SDHAF3: variants seen among roughly 807,000 people sequenced by gnomAD.
The protein encoded by SDHAF3 is succinate dehydrogenase assembly factor 3, mitochondrial.
Under a neutral mutation model 11.5 loss-of-function variants are expected in SDHAF3, and 18 were observed. The observed-to-expected ratio is 1.56, with a 90% CI of 1.08 to 2.32. The LOEUF (loss-of-function observed/expected upper bound fraction) is 2.32, where lower values mean the gene tolerates loss of function less well. Ranked by LOEUF, SDHAF3 falls within the 30% of genes most tolerant of loss-of-function variation. The probability of loss-of-function intolerance (pLI) is 0.00; values close to 1 mark genes in which losing one functional copy is unlikely to be tolerated. For missense variants in SDHAF3, 200 were observed against 154.4 expected (o/e 1.30, Z -1.57); for synonymous variants, 72 against 59.3 (o/e 1.21, Z -0.99).
At chr7:97,177,220 CGGCCAGGCACA>C (rs1789691512) in intron 1 of SDHAF3, among the ~76,000 whole-genome samples, 1 of 151,686 alleles carries the variant, frequency 6.6e-6, no homozygotes, top group African/African-American at 2.4e-5. Flanking sequence ...ATAAGATATC[CGGCCAGGCACA>C]GTAGCTCAGG....
chr7:97,122,129 T>C (rs1033630548), intron 1 of SDHAF3, among the ~76,000 whole-genome samples: 1 of 152,200 alleles, frequency 6.6e-6, no homozygotes, highest in African/African-American at 2.4e-5. Context: ...ATGCTGGGAT[T>C]ACAGGCGTGA....
chr7:97,146,819 C>T (rs1195932956), intron 1 of SDHAF3, among the ~76,000 whole-genome samples: 5 of 147,478 alleles, frequency 3.4e-5, no homozygotes, highest in South Asian at 2.2e-4. Flanking sequence ...TGGAGTCTCA[C>T]TCTGTCGCCC....
chr7:97,157,865 C>CA (rs1789328320), intron 1 of SDHAF3, among the ~76,000 whole-genome samples: 1 of 148,222 alleles, frequency 6.7e-6, no homozygotes, highest in Non-Finnish European at 1.5e-5. Flanking sequence ...ATCCCAAGGA[C>CA]AAAAAACCAA....
At chr7:97,151,915 A>G (rs1215449163) in intron 1 of SDHAF3, among the ~76,000 whole-genome samples, 1 of 152,120 alleles carries the variant, frequency 6.6e-6, no homozygotes, top group Non-Finnish European at 1.5e-5. Context: ...TTCCCCAGTC[A>G]TGATACCAAA....
intron 1 of SDHAF3, among the ~76,000 whole-genome samples, chr7:97,173,840 C>T (rs1467925882): frequency 6.6e-6 from 1 of 152,150 alleles, no homozygotes; most frequent in African/African-American, 2.4e-5. Flanking sequence ...GCGTGAGCCA[C>T]CACACCTGGC....
At chr7:97,162,584 A>C (rs1226244221) in intron 1 of SDHAF3, among the ~76,000 whole-genome samples, 3 of 152,122 alleles carry the variant, frequency 2.0e-5, no homozygotes, top group African/African-American at 4.8e-5. Flanking sequence ...ATTCTGGTAC[A>C]TTGTGTCTTT....
chr7:97,160,918 GTTTC>G lies in SDHAF3; in HGVS notation c.175-20090_175-20087del, dbSNP rs1011689460. Among the ~76,000 whole-genome samples the G allele has an allele frequency of 4.0e-5, 6 of 151,736 alleles. No individual in the cohort carries two copies. The South Asian group carries it at 1.0e-3, about 26-fold the overall frequency. On this transcript the variant is annotated intron_variant, in intron 1 of 1. Coordinates refer to ENST00000432641, the MANE Select transcript of SDHAF3 (RefSeq NM_020186.3). ...CAAACATTAATTTCTACTTGTTTCA[GTTTC>G]TTTGTCATCTCTTAAAAAAAAAAAG...
chr7:97,140,166 C>CT (rs1259733089), intron 1 of SDHAF3, among the ~76,000 whole-genome samples: 6 of 152,156 alleles, frequency 3.9e-5, no homozygotes, highest in Admixed American at 1.3e-4. Context: ...TGTTTTGACT[C>CT]TGACTGTTCA....
chr7:97,119,950 A>C (rs1791466591), intron 1 of SDHAF3, among the ~76,000 whole-genome samples: 1 of 152,174 alleles, frequency 6.6e-6, no homozygotes, highest in Non-Finnish European at 1.5e-5. Flanking sequence ...ATGACTTCTT[A>C]CTGGTGATGA....
At chr7:97,142,620 C>G (rs1424808222) in intron 1 of SDHAF3, 1 of 152,032 alleles carries the variant, frequency 6.6e-6, no homozygotes, top group East Asian at 1.9e-4. Flanking sequence ...TCTAATTATT[C>G]AGAACAAGTT....
chr7:97,172,151 A>T (rs1330393883), intron 1 of SDHAF3, among the ~76,000 whole-genome samples: 1 of 152,188 alleles, frequency 6.6e-6, no homozygotes, highest in Non-Finnish European at 1.5e-5. Context: ...CCTCTGTTTA[A>T]ATTTGTACAT....
intron 1 of SDHAF3, among the ~76,000 whole-genome samples, chr7:97,152,911 G>A (rs769283831): frequency 6.6e-6 from 1 of 152,166 alleles, no homozygotes. Flanking sequence ...CGCCATGCCC[G>A]CCATGGCCTC....
intron 1 of SDHAF3, among the ~76,000 whole-genome samples, chr7:97,150,420 T>G (rs1031910032): frequency 3.3e-5 from 5 of 152,220 alleles, no homozygotes; most frequent in African/African-American, 4.8e-5. Context: ...TCAAAATTAC[T>G]TGATCCGTGG....
intron 1 of SDHAF3, among the ~76,000 whole-genome samples, chr7:97,162,745 G>T (rs945080408): frequency 7.9e-5 from 12 of 152,180 alleles, no homozygotes; most frequent in Non-Finnish European, 5.9e-5. Flanking sequence ...TTGCACTGTG[G>T]TCTGAGAGAC....
chr7:97,118,134 G>T (rs979908791), intron 1 of SDHAF3, among the ~76,000 whole-genome samples: 2 of 152,114 alleles, frequency 1.3e-5, no homozygotes, highest in African/African-American at 4.8e-5. Context: ...CAGATGCCAG[G>T]TGCTCAAAGG....
intron 1 of SDHAF3, among the ~76,000 whole-genome samples, chr7:97,141,244 T>C (rs1215963660): frequency 6.6e-6 from 1 of 152,188 alleles, no homozygotes; most frequent in African/African-American, 2.4e-5. Flanking sequence ...TTAGCAATTT[T>C]AATTTCACCC....
At chr7:97,180,878 TATATCTCCTTAACC>T in intron 1 of SDHAF3, 120 bp from the exon 2 acceptor site, 1 of 703,796 alleles carries the variant, frequency 1.4e-6, no homozygotes, top group Non-Finnish European at 2.3e-6. Context: ...CAACTATATT[TATATCTCCTTAACC>T]AAATGCTTCT....
At chr7:97,149,063 G>A (rs549452336) in intron 1 of SDHAF3, among the ~76,000 whole-genome samples, 1 of 152,002 alleles carries the variant, frequency 6.6e-6, no homozygotes, top group African/African-American at 2.4e-5. Context: ...CTGAGTAGCT[G>A]GGACTACAGG....
intron 1 of SDHAF3, among the ~76,000 whole-genome samples, chr7:97,173,833 T>G (rs1251060081): frequency 6.6e-6 from 1 of 152,190 alleles, no homozygotes; most frequent in African/African-American, 2.4e-5. Flanking sequence ...ATTACAGGCG[T>G]GAGCCACCAC....
Sources: gnomAD v4.1 joint callset for allele counts (sites outside exome capture counted in the v4.1 genomes callset) on GRCh38, gnomAD v4.1.1 for gene constraint, MANE v1.5 for transcripts, NCBI Gene and HGNC (gene_info 2026-07-23, HGNC 2026-07-21) for gene names.